The following PSMC1 variants were observed in gnomAD, a reference collection of about 807,000 sequenced individuals.
PSMC1 encodes the protein proteasome 26S subunit, ATPase 1.
In PSMC1, 5 loss-of-function variants were observed where a neutral mutation model predicts 49.8. That is an observed-to-expected ratio of 0.10 (90% CI 0.05 to 0.21). PSMC1 has a LOEUF of 0.21. Among genes scored for constraint, PSMC1 ranks in the 10% least tolerant of loss-of-function variants. The pLI is 1.00. For missense variants in PSMC1, 181 were observed against 535.7 expected (o/e 0.34, Z 6.54); for synonymous variants, 155 against 192.1 (o/e 0.81, Z 1.60).
At chr14:90,268,465 C>T in intron 8 of PSMC1, 52 bp downstream of exon 8, 1 of 1,560,610 alleles carries the variant, frequency 6.4e-7, no homozygotes, top group Admixed American at 1.7e-5. Context: ...CACCGCATAG[C>T]TCTTCTCTTG....
intron 6 of PSMC1, among the ~76,000 whole-genome samples, chr14:90,264,853 T>C (rs991459184): frequency 3.9e-5 from 6 of 152,022 alleles, no homozygotes; most frequent in African/African-American, 1.4e-4. Flanking sequence ...GGGAATTGGG[T>C]GTGGTTAGGG....
At chr14:90,265,982 A>G (rs1424247524) in intron 7 of PSMC1, among the ~76,000 whole-genome samples, 1 of 152,170 alleles carries the variant, frequency 6.6e-6, no homozygotes, top group Non-Finnish European at 1.5e-5. Flanking sequence ...TATTCTGAGC[A>G]TGGTGGCTCA....
rs377233862 is a variant in PSMC1 at position 90,260,190 on chromosome 14, G to A, written c.133G>A (p.Ala45Thr). The change falls in exon 3 of 11, where the codon GCT (alanine) becomes ACT (threonine). Residue 45 changes from alanine to threonine, a missense_variant. Ala to Thr is a moderately conservative substitution (Grantham distance 58). This residue lies in a region of PSMC1 where 121 missense variants were observed against 358.6 expected (regional missense o/e 0.34). Transcript: ENST00000261303. ...GAAGAAGAAAACAAAGGGACCAGAT[G>A]CTGCCAGCAAACTGCCACTGGGTAA... Reference protein sequence around the residue: ...KKKKKTKGPDAASKLPLVTPH... With the variant: ...KKKKKTKGPDTASKLPLVTPH... 504 of 1,611,010 alleles carry A rather than the reference G, an allele frequency of 3.1e-4. 1 individual carries two copies. The highest frequency in any genetic ancestry group is 4.0e-4 in the Non-Finnish European group (474 of 1,178,100).
chr14:90,261,549 TA>T (rs1891397992), intron 3 of PSMC1, among the ~76,000 whole-genome samples: 1 of 152,094 alleles, frequency 6.6e-6, no homozygotes, highest in Non-Finnish European at 1.5e-5. Context: ...TTATTTAATA[TA>T]AAAGGCATTT....
Position 90,263,323 on chromosome 14 carries a change from C to G in PSMC1, c.160C>G (p.Pro54Ala). ...ACTTTATATTTAAATTTCAGTGACA[C>G]CTCACACTCAGTGCCGGTTAAAATT... is the stretch of plus-strand genomic sequence containing the variant. Reference protein sequence around the residue: ...DAASKLPLVTPHTQCRLKLLK... With the variant: ...DAASKLPLVTAHTQCRLKLLK... The change falls in exon 4 of 11, where the codon CCT becomes GCT. Residue 54 changes from proline to alanine, a missense_variant. By Grantham distance (27) the Pro-to-Ala change is conservative (BLOSUM62 -1). Around this residue, in one of 3 missense-constraint regions of PSMC1, gnomAD observed 121 missense variants for 358.6 expected, o/e 0.34. Coordinates refer to ENST00000261303, the MANE Select transcript of PSMC1 (RefSeq NM_002802.3). 1 of 1,593,340 alleles carries G rather than the reference C, an allele frequency of 6.3e-7. No individual in the cohort carries two copies. Among genetic ancestry groups the G allele is most frequent in the Non-Finnish European group, 8.5e-7 (1 of 1,173,812 alleles).
At position 90,274,767 on chromosome 14, in the gene PSMC1, T is replaced by C. The variant is rs950882297; in HGVS notation, c.*2360T>C. 2.7e-5 allele frequency: 4 copies of C among 147,148 alleles called. No individual in the cohort carries two copies. The highest frequency in any genetic ancestry group is 1.0e-4 in the African/African-American group (4 of 39,414). The allele number at this position is 147,148 out of a possible 1,614,324, so 9.1% of individuals were successfully genotyped here. On this transcript the variant is annotated 3_prime_UTR_variant, in exon 11 of 11. Transcript: ENST00000261303. ...CAGTTACTATTAATGGAATACAGTA[T>C]AGCCCTTTAAATAGGGAACTACACA...
chr14:90,257,675 C>T (rs1891321750), intron 1 of PSMC1, among the ~76,000 whole-genome samples: 1 of 152,154 alleles, frequency 6.6e-6, no homozygotes, highest in Non-Finnish European at 1.5e-5. Flanking sequence ...GTGGCGCGAT[C>T]TCCGCCTCCC....
intron 7 of PSMC1, among the ~76,000 whole-genome samples, chr14:90,266,328 T>G (rs2139648032): frequency 6.6e-6 from 1 of 152,220 alleles, no homozygotes; most frequent in African/African-American, 2.4e-5. Context: ...ACTTAGAAGT[T>G]CATTGCTGTG....
rs1491397403 is a variant in PSMC1 at position 90,274,838 on chromosome 14, A to ACACACACACACACACACACC, written c.*2432_*2433insACACACACACACACACACCC. The ACACACACACACACACACACC allele has an allele frequency of 1.5e-5, 1 of 67,186 alleles. No homozygotes were observed. Among genetic ancestry groups the ACACACACACACACACACACC allele is most frequent in the Non-Finnish European group, 3.2e-5 (1 of 31,320 alleles). 4.2% of individuals were successfully genotyped at this position (67,186 alleles called of 1,614,324 possible). Reference sequence around the variant, plus strand: ...CACACACACACACACACACACACACACCCCAATACATATGAATTGATCTGA... The same window carrying ACACACACACACACACACACC: ...CACACACACACACACACACACACACACACACACACACACACACACCCCCCAATACATATGAATTGATCTGA... On this transcript the variant is annotated 3_prime_UTR_variant, in exon 11 of 11. Coordinates refer to ENST00000261303, the MANE Select transcript of PSMC1 (RefSeq NM_002802.3).
intron 7 of PSMC1, among the ~76,000 whole-genome samples, chr14:90,265,625 C>T (rs1304940022): frequency 1.4e-5 from 2 of 146,894 alleles, no homozygotes; most frequent in East Asian, 2.0e-4. Flanking sequence ...GGAGGCGGTG[C>T]TTGTAGTGAG....
intron 7 of PSMC1, 80 bp downstream of exon 7, chr14:90,265,246 T>G (rs1363318148): frequency 1.9e-5 from 18 of 969,934 alleles, no homozygotes; most frequent in Non-Finnish European, 2.9e-5. Context: ...ATTACTGAAC[T>G]AATAAGAGAG....
chr14:90,261,117 C>T (rs1352765062), intron 3 of PSMC1, among the ~76,000 whole-genome samples: 3 of 152,172 alleles, frequency 2.0e-5, no homozygotes, highest in Admixed American at 1.3e-4. Flanking sequence ...TCAGCCCTGC[C>T]ACTCCCCCTT....
At chr14:90,267,880 C>T (rs770863398) in intron 7 of PSMC1, 1 of 195,326 alleles carries the variant, frequency 5.1e-6, no homozygotes, top group Non-Finnish European at 1.0e-5. Context: ...AGATTTATTT[C>T]ATTACTGGAA....
At chr14:90,256,663 G>A in intron 1 of PSMC1, 63 bp downstream of exon 1, 3 of 1,561,910 alleles carry the variant, frequency 1.9e-6, no homozygotes, top group Middle Eastern at 1.7e-4. Flanking sequence ...AGCAGCCTGA[G>A]GCGAGAGAAA....
Position 90,269,477 on chromosome 14 carries a change from C to T in PSMC1, c.962C>T (p.Ser321Phe). The T allele has an allele frequency of 1.2e-6, 2 of 1,613,066 alleles. No individual in the cohort carries two copies. Among genetic ancestry groups the T allele is most frequent in the South Asian group, 1.1e-5 (1 of 91,050 alleles). ...CTGAACCAGTTGGATGGATTTGATT[C>T]TAGGGGAGATGTGAAAGTTATCATG... ...ELLNQLDGFDSRGDVKVIMAT... is the reference protein window; with the variant it reads ...ELLNQLDGFDFRGDVKVIMAT... Residue 321 changes from serine to phenylalanine, a missense_variant, in exon 9 of 11, where the codon TCT (serine) becomes TTT (phenylalanine). Transcript: ENST00000261303.
At chr14:90,265,205 G>C in intron 7 of PSMC1, 39 bp downstream of exon 7, 1 of 1,400,494 alleles carries the variant, frequency 7.1e-7, no homozygotes, top group Non-Finnish European at 1.0e-6. Flanking sequence ...CACCCAGCTG[G>C]TCTCTTGAGC....
chr14:90,268,497 C>A, intron 8 of PSMC1, 84 bp downstream of exon 8: 1 of 1,346,168 alleles, frequency 7.4e-7, no homozygotes, highest in South Asian at 1.3e-5. Flanking sequence ...TCTCAGGGGG[C>A]TCTCCCTATG....
chr14:90,262,786 C>CAA (rs553012340), intron 3 of PSMC1, among the ~76,000 whole-genome samples: 2 of 123,800 alleles, frequency 1.6e-5, no homozygotes, highest in Non-Finnish European at 3.4e-5. Flanking sequence ...GACTCCGTCT[C>CAA]AAAAAAAAAA....
chr14:90,258,568 G>A (rs944232835), intron 1 of PSMC1, among the ~76,000 whole-genome samples: 2 of 152,164 alleles, frequency 1.3e-5, no homozygotes, highest in Admixed American at 6.5e-5. Context: ...AATACACTAA[G>A]TTCTTAACAC....
Sources: allele counts gnomAD v4.1 joint callset (sites outside exome capture counted in the v4.1 genomes callset), GRCh38; gene constraint gnomAD v4.1.1; regional missense constraint gnomAD v4.1.1; transcripts MANE v1.5; gene names NCBI Gene and HGNC (gene_info 2026-07-23, HGNC 2026-07-21).